DOCK10: variants seen among roughly 807,000 people sequenced by gnomAD.
The protein encoded by DOCK10 is dedicator of cytokinesis 10.
DOCK10 carries 145 observed loss-of-function variants against 280.1 expected under a neutral mutation model. The ratio of observed to expected loss-of-function variants is 0.52; its 90% CI spans 0.45 to 0.59. The LOEUF (loss-of-function observed/expected upper bound fraction) is 0.59. DOCK10 is among the 20% of genes least tolerant of loss of function. The pLI, the probability that DOCK10 is intolerant of heterozygous loss-of-function variation, is 0.00. For synonymous variants in DOCK10, 915 were observed against 942.2 expected, an observed-to-expected ratio of 0.97 and a Z score of 0.53; for missense variants, 2,368 against 2,651.7, an observed-to-expected ratio of 0.89 and a Z score of 2.35.
intron 26 of DOCK10, 27 bp from the exon 27 acceptor site, chr2:224,830,639 C>T: frequency 2.1e-6 from 3 of 1,404,066 alleles, no homozygotes; most frequent in Non-Finnish European, 2.9e-6. Flanking sequence ...GGCAACGAGA[C>T]ATTTATTATC....
At chr2:225,002,895 G>A (rs143078185) in intron 1 of DOCK10, among the ~76,000 whole-genome samples, 122 of 152,256 alleles carry the variant, frequency 8.0e-4, no homozygotes, top group African/African-American at 2.8e-3. Context: ...GTTGTTGGTC[G>A]CTCAACACTG....
chr2:224,971,862 GA>G (rs1426246663), intron 1 of DOCK10, among the ~76,000 whole-genome samples: 1 of 151,932 alleles, frequency 6.6e-6, no homozygotes, highest in Admixed American at 6.5e-5. Context: ...GATTTGGCGT[GA>G]AAAAAACTAT....
At chr2:225,025,335 T>C (rs1470000826) in intron 1 of DOCK10, among the ~76,000 whole-genome samples, 1 of 152,156 alleles carries the variant, frequency 6.6e-6, no homozygotes, top group Non-Finnish European at 1.5e-5. Flanking sequence ...AAGAGGACAC[T>C]GGAGTTCGAA....
chr2:224,967,397 T>C (rs1323235567), intron 1 of DOCK10, among the ~76,000 whole-genome samples: 1 of 152,256 alleles, frequency 6.6e-6, no homozygotes, highest in Non-Finnish European at 1.5e-5. Context: ...CCTCTAGTCT[T>C]ATCTGGTGTT....
chr2:224,788,676 T>A (rs1350560036), intron 48 of DOCK10, among the ~76,000 whole-genome samples: 2 of 152,202 alleles, frequency 1.3e-5, no homozygotes, highest in Non-Finnish European at 2.9e-5. Context: ...TTATTTTCCA[T>A]AACAGAAGGT....
intron 38 of DOCK10, 102 bp from the exon 39 acceptor site, chr2:224,804,315 C>A: frequency 1.5e-6 from 1 of 654,688 alleles, no homozygotes; most frequent in South Asian, 2.0e-5. Context: ...TGAAATATTT[C>A]ACATGCTGTG....
At chr2:224,865,918 C>G (rs917978997) in intron 11 of DOCK10, among the ~76,000 whole-genome samples, 2 of 151,930 alleles carry the variant, frequency 1.3e-5, no homozygotes, top group African/African-American at 4.8e-5. Flanking sequence ...CTCTCTCTCT[C>G]TAACAGTCAC....
At chr2:224,995,840 C>G (rs1421580372) in intron 1 of DOCK10, among the ~76,000 whole-genome samples, 1 of 152,180 alleles carries the variant, frequency 6.6e-6, no homozygotes, top group Non-Finnish European at 1.5e-5. Flanking sequence ...TGCTCACACT[C>G]TTGGCCAAGA....
chr2:224,943,119 C>T (rs994696944), intron 1 of DOCK10, among the ~76,000 whole-genome samples: 1 of 151,842 alleles, frequency 6.6e-6, no homozygotes, highest in Non-Finnish European at 1.5e-5. Flanking sequence ...AACTGCAGAC[C>T]ACCACACACA....
intron 1 of DOCK10, among the ~76,000 whole-genome samples, chr2:224,965,611 T>G (rs917852363): frequency 1.3e-5 from 2 of 152,262 alleles, no homozygotes; most frequent in African/African-American, 4.8e-5. Flanking sequence ...TGTTGTGATA[T>G]CTTCTTAAAT....
At chr2:224,835,880 C>T (rs940746985) in intron 25 of DOCK10, among the ~76,000 whole-genome samples, 1 of 152,138 alleles carries the variant, frequency 6.6e-6, no homozygotes, top group African/African-American at 2.4e-5. Flanking sequence ...TAGATAATCT[C>T]CTGTATTATA....
At chr2:224,886,369 A>G in intron 5 of DOCK10, 90 bp downstream of exon 5, 1 of 1,484,928 alleles carries the variant, frequency 6.7e-7, no homozygotes, top group Non-Finnish European at 9.3e-7. Context: ...ACAGCTTACA[A>G]CAAACCGGTC....
chr2:224,805,790 C>T lies in DOCK10; in HGVS notation c.3815-261G>A, dbSNP rs1693361852. Among the ~76,000 whole-genome samples, 1 of 152,118 alleles carries T rather than the reference C, an allele frequency of 6.6e-6. No individual in the cohort carries two copies. Among genetic ancestry groups the T allele is most frequent in the Non-Finnish European group, 1.5e-5 (1 of 67,992 alleles). On this transcript the variant is annotated intron_variant, in intron 34 of 55. Transcript: ENST00000258390. This position sits in a 1 kb window ranked among gnomAD's most constrained non-coding sequence, Gnocchi z 4.3. The stretch of plus-strand genomic sequence containing the variant: ...AGAAACTGAAATGACATTTCCAAAA[C>T]AGTTCTTAAAAATAATACTTGAAGT...
rs149681418 is a variant in DOCK10, at chr2:224,941,788, G to A, written c.124-10120C>T. 6.1e-3 allele frequency among the ~76,000 whole-genome samples: 926 copies of A among 150,700 alleles called. 12 individuals are homozygous for A. Among genetic ancestry groups the A allele is most frequent in the African/African-American group, 0.02 (818 of 40,766 alleles). ...GAACCCGGGAGGCAGAGGTTGCAGT[G>A]AGCTGAGATCTCATCACTGTAATCC... On this transcript the variant is annotated intron_variant, in intron 1 of 55. Transcript: ENST00000258390.
At chr2:224,998,116 C>A (rs1296380390) in intron 1 of DOCK10, among the ~76,000 whole-genome samples, 2 of 152,146 alleles carry the variant, frequency 1.3e-5, no homozygotes, top group African/African-American at 4.8e-5. Flanking sequence ...GTGCTACCCT[C>A]CTGGTTATAG....
At chr2:224,789,260 GGTA>G in intron 47 of DOCK10, 90 bp from the exon 48 acceptor site, 1 of 750,928 alleles carries the variant, frequency 1.3e-6, no homozygotes, top group Non-Finnish European at 2.3e-6. Context: ...GTTACCAAGT[GGTA>G]GTATTACAAA....
At position 224,865,002 on chromosome 2, in the gene DOCK10, T is replaced by C; in HGVS notation, c.1343A>G (p.His448Arg). The C allele has an allele frequency of 2.5e-6, 4 of 1,613,990 alleles. No individual in the cohort carries two copies. Among genetic ancestry groups the C allele is most frequent in the Middle Eastern group, 1.6e-4 (1 of 6,062 alleles). The change falls in exon 12 of 56, where the codon CAT becomes CGT. Residue 448 changes from histidine (H) to arginine (R), a missense_variant. Physicochemically the swap from His to Arg is conservative, Grantham distance 29. This residue lies in a region of DOCK10 where 1,209 missense variants were observed against 1,250.9 expected (regional missense o/e 0.97). Coordinates refer to ENST00000258390, the MANE Select transcript of DOCK10 (RefSeq NM_014689.3). ...ISADFHVDLN[H>R]AAVRQMLLGA... ...CAAGAGCATCTGTCTGACAGCAGCA[T>C]GGTTTAGATCCACATGAAAATCAGC...
intron 1 of DOCK10, among the ~76,000 whole-genome samples, chr2:224,997,349 A>G (rs1380411765): frequency 2.0e-5 from 3 of 151,958 alleles, no homozygotes; most frequent in African/African-American, 7.3e-5. Flanking sequence ...CTCCTGCCTC[A>G]GCCTCCCGAG....
chr2:225,035,879 C>CTCT (rs1262740973), intron 1 of DOCK10, among the ~76,000 whole-genome samples: 1 of 151,260 alleles, frequency 6.6e-6, no homozygotes, highest in African/African-American at 2.4e-5. Flanking sequence ...ATCTCTCTCT[C>CTCT]TCTTCTTCTT....
Sources: gnomAD v4.1 joint callset for allele counts (sites outside exome capture counted in the v4.1 genomes callset) on GRCh38, gnomAD v4.1.1 for gene constraint, gnomAD v4.1.1 regional missense constraint, Gnocchi (gnomAD v3.1) non-coding constraint, MANE v1.5 for transcripts, NCBI Gene and HGNC (gene_info 2026-07-23, HGNC 2026-07-21) for gene names.